SVOPL: variants seen among roughly 807,000 people sequenced by gnomAD.
SVOPL encodes SVOP like, also known as putative transporter SVOPL.
In SVOPL, 60 loss-of-function variants were observed where a neutral mutation model predicts 61.0. The ratio of observed to expected loss-of-function variants is 0.98; its 90% CI spans 0.80 to 1.22. SVOPL has a LOEUF of 1.22. Ranked by LOEUF, SVOPL falls within the 50% of genes most tolerant of loss-of-function variation. SVOPL has a pLI of 0.00. For missense variants in SVOPL, 662 were observed against 643.9 expected (o/e 1.03, Z -0.30); for synonymous variants, 279 against 250.0 (o/e 1.12, Z -1.09).
At chr7:138,609,390 T>C (rs937525942) in intron 14 of SVOPL, among the ~76,000 whole-genome samples, 2 of 147,972 alleles carry the variant, frequency 1.4e-5, no homozygotes, top group Non-Finnish European at 3.0e-5. Context: ...CTCACGCCTG[T>C]AATCCCAGCA....
At position 138,700,148 on chromosome 7, in the gene SVOPL, A is replaced by G. The variant is rs371781512; in HGVS notation, c.-35+1030T>C. Among the ~76,000 whole-genome samples the G allele has an allele frequency of 4.0e-4, 61 of 152,226 alleles. 2 individuals carry two copies. Among genetic ancestry groups the G allele is most frequent in the African/African-American group, 1.4e-3 (57 of 41,542 alleles). ...ACAAACTCAAAGTTAGTTAGCATAT[A>G]TATGAAATGTATTTTCTTGGTAGTC... On this transcript the variant is annotated intron_variant, in intron 1 of 15. Transcript: ENST00000674285.
rs58372563 is a variant in SVOPL, at chr7:138,599,167, A to AAAAAAAAC, written c.1354-2638_1354-2637insGTTTTTTT. On this transcript the variant is annotated intron_variant, in intron 14 of 15. Coordinates refer to ENST00000674285, the MANE Select transcript of SVOPL (RefSeq NM_001139456.2). ...AAAAAAAAAAAAAAAACCAAAAAAA[A>AAAAAAAAC]AAGAAATACAGAAATGTCAAAAGAC... 1.4e-3 allele frequency among the ~76,000 whole-genome samples: 171 copies of AAAAAAAAC among 121,636 alleles called. 3 individuals are homozygous for AAAAAAAAC. Among genetic ancestry groups the AAAAAAAAC allele is most frequent in the Non-Finnish European group, 1.5e-3 (93 of 60,478 alleles). The allele number at this position is 121,636 out of a possible 152,430, so 79.8% of individuals were successfully genotyped here. A position where few individuals can be genotyped will look rare whatever the true frequency, so the allele number is the denominator to read the frequency against.
chr7:138,658,264 G>T (rs1801841241), intron 6 of SVOPL, among the ~76,000 whole-genome samples: 1 of 152,056 alleles, frequency 6.6e-6, no homozygotes, highest in African/African-American at 2.4e-5. Context: ...AGTCACTCTA[G>T]TTCGATCCCA....
intron 3 of SVOPL, among the ~76,000 whole-genome samples, chr7:138,672,899 T>A (rs1372351599): frequency 4.3e-5 from 5 of 115,176 alleles, no homozygotes; most frequent in Admixed American, 9.1e-5. Context: ...GATAAGTTTG[T>A]CTCTCAAAAA....
At chr7:138,643,525 A>G (rs753743016) in intron 9 of SVOPL, among the ~76,000 whole-genome samples, 3 of 152,172 alleles carry the variant, frequency 2.0e-5, no homozygotes, top group Non-Finnish European at 4.4e-5. Flanking sequence ...AGTGTTCATC[A>G]ACAAACACAT....
intron 6 of SVOPL, 136 bp from the exon 7 acceptor site, chr7:138,656,647 T>C: frequency 1.2e-6 from 1 of 862,156 alleles, no homozygotes; most frequent in Non-Finnish European, 1.8e-6. Flanking sequence ...AAGAGAATTA[T>C]GACAGCTAAT....
At chr7:138,675,132 T>G (rs948250554) in intron 3 of SVOPL, among the ~76,000 whole-genome samples, 2 of 150,830 alleles carry the variant, frequency 1.3e-5, no homozygotes, top group African/African-American at 4.9e-5. Context: ...CCAGGCTTGG[T>G]GGCTAAGCCT....
intron 4 of SVOPL, among the ~76,000 whole-genome samples, chr7:138,666,452 T>G (rs1189027521): frequency 6.6e-6 from 1 of 152,230 alleles, no homozygotes; most frequent in Non-Finnish European, 1.5e-5. Flanking sequence ...TAGACACCCC[T>G]TTAGCAACTA....
chr7:138,646,625 C>A (rs1358071042), intron 8 of SVOPL, among the ~76,000 whole-genome samples: 3 of 152,012 alleles, frequency 2.0e-5, no homozygotes, highest in Non-Finnish European at 4.4e-5. Flanking sequence ...CCCGAGCAAC[C>A]CTCCCATCTC....
At chr7:138,699,145 C>G (rs1803135044) in intron 1 of SVOPL, among the ~76,000 whole-genome samples, 2 of 151,516 alleles carry the variant, frequency 1.3e-5, no homozygotes, top group Admixed American at 1.3e-4. Flanking sequence ...GAGTGAAACT[C>G]CGTCTCCAAA....
At chr7:138,621,251 T>G in intron 13 of SVOPL, 116 bp from the exon 14 acceptor site, 1 of 704,190 alleles carries the variant, frequency 1.4e-6, no homozygotes, top group Non-Finnish European at 2.3e-6. Flanking sequence ...CAAACACAGT[T>G]ACAGAATATG....
intron 13 of SVOPL, among the ~76,000 whole-genome samples, chr7:138,623,560 AC>A (rs375488335): frequency 2.0e-3 from 306 of 152,202 alleles, no homozygotes; most frequent in African/African-American, 7.0e-3. Flanking sequence ...AGATCGCGCC[AC>A]TGCACTCCAG....
At chr7:138,596,998 G>A in intron 14 of SVOPL, 2 of 1,141,116 alleles carry the variant, frequency 1.8e-6, no homozygotes, top group Non-Finnish European at 2.2e-6. Flanking sequence ...GTCTCTGAAA[G>A]GATTGCTAAT....
intron 13 of SVOPL, among the ~76,000 whole-genome samples, chr7:138,622,106 C>G (rs200638070): frequency 0.16 from 6,487 of 41,678 alleles, 132 homozygotes; most frequent in African/African-American, 0.2. Context: ...ATCTATCTAT[C>G]TATCTATCTA....
chr7:138,699,903 T>C (rs1584875758), intron 1 of SVOPL, among the ~76,000 whole-genome samples: 1 of 152,222 alleles, frequency 6.6e-6, no homozygotes, highest in Non-Finnish European at 1.5e-5. Flanking sequence ...TCAGGGGAAT[T>C]TGCCAAGAGG....
chr7:138,623,976 C>A (rs537928828), intron 13 of SVOPL, among the ~76,000 whole-genome samples: 2 of 152,084 alleles, frequency 1.3e-5, no homozygotes, highest in Non-Finnish European at 2.9e-5. Context: ...CCTGCCACCA[C>A]GCCTGGATAA....
At chr7:138,663,050 A>G in intron 5 of SVOPL, 24 bp downstream of exon 5, 1 of 1,614,032 alleles carries the variant, frequency 6.2e-7, no homozygotes, top group Non-Finnish European at 8.5e-7. Flanking sequence ...ACAATTCCAA[A>G]TGCTACTGTG....
In SVOPL at chr7:138,678,514, A is replaced by G. The variant is rs372076204; in HGVS notation, c.94T>C (p.Phe32Leu). The G allele has an allele frequency of 1.3e-6, 2 of 1,552,146 alleles. No individual in the cohort carries two copies. The highest frequency in any genetic ancestry group is 1.7e-6 in the Non-Finnish European group (2 of 1,147,086). The change falls in exon 3 of 16, where the codon TTC becomes CTC. Residue 32 changes from phenylalanine to leucine, a missense_variant. Transcript: ENST00000674285. ...GTCTCCACTGCATCTTCCACGGTGAACGTCTTTGGCTCTAACAACGAAAGA... is the reference window on the plus strand; with the variant it reads ...GTCTCCACTGCATCTTCCACGGTGAGCGTCTTTGGCTCTAACAACGAAAGA... ...AEPQVKEPKT[F>L]TVEDAVETIG...
intron 1 of SVOPL, among the ~76,000 whole-genome samples, chr7:138,692,197 A>T (rs1802958230): frequency 6.6e-6 from 1 of 152,188 alleles, no homozygotes; most frequent in African/African-American, 2.4e-5. Context: ...AAATAGCCTT[A>T]TGAGTTTCAC....
Sources: gnomAD v4.1 joint callset for allele counts (sites outside exome capture counted in the v4.1 genomes callset) on GRCh38, gnomAD v4.1.1 for gene constraint, MANE v1.5 for transcripts, NCBI Gene and HGNC (gene_info 2026-07-23, HGNC 2026-07-21) for gene names.